The following NTMT2 variants were observed in gnomAD, a reference collection of about 807,000 sequenced individuals.
NTMT2 encodes the protein X-Pro-Lys N-terminal protein methyltransferase 1B.
Under a neutral mutation model 23.4 loss-of-function variants are expected in NTMT2, and 21 were observed. The observed-to-expected ratio is 0.90, with a 90% CI of 0.64 to 1.29. NTMT2 has a LOEUF of 1.29. NTMT2 is among the 50% of genes most tolerant of loss of function. The pLI is 0.00. For synonymous variants in NTMT2, 131 were observed against 127.7 expected (o/e 1.03, Z -0.17); for missense variants, 336 against 352.0 (o/e 0.95, Z 0.36).
rs539352852 is a variant in NTMT2, at chr1:170,166,366, C to A, written c.331-136C>A. 288 of 787,492 alleles carry A rather than the reference C, an allele frequency of 3.7e-4. 1 individual carries two copies. The African/African-American group carries it at 4.4e-3, about 12-fold the overall frequency. The allele number at this position is 787,492 out of a possible 1,614,324, so 48.8% of individuals were successfully genotyped here. ...CCGTGTTAGCCAGGATGGTCTCGAT[C>A]TCTTGACCTCGTGATCCGCCCGCCT... On this transcript the variant is annotated intron_variant, in intron 2 of 3. Transcript: ENST00000439373.
intron 3 of NTMT2, among the ~76,000 whole-genome samples, chr1:170,167,206 C>T (rs947884864): frequency 6.6e-6 from 1 of 152,100 alleles, no homozygotes; most frequent in African/African-American, 2.4e-5. Context: ...CTCCAGGGGA[C>T]ATGGAGGGAC....
intron 1 of NTMT2, among the ~76,000 whole-genome samples, chr1:170,156,208 C>T (rs471155): frequency 0.39 from 58,868 of 152,012 alleles, 13,501 homozygotes; most frequent in East Asian, 0.69. Flanking sequence ...GCATGCCCAG[C>T]GCATTTTTTT....
chr1:170,150,804 G>T (rs776941550), intron 1 of NTMT2, among the ~76,000 whole-genome samples: 1 of 152,084 alleles, frequency 6.6e-6, no homozygotes, highest in African/African-American at 2.4e-5. Context: ...TCAAAAAATG[G>T]CTATTCATGA....
intron 1 of NTMT2, among the ~76,000 whole-genome samples, chr1:170,154,130 T>C (rs1233630117): frequency 2.6e-5 from 4 of 152,124 alleles, no homozygotes; most frequent in African/African-American, 9.7e-5. Flanking sequence ...TCTGTTGGCT[T>C]CCACATGGTG....
intron 2 of NTMT2, among the ~76,000 whole-genome samples, chr1:170,164,375 G>A (rs943018823): frequency 2.6e-5 from 4 of 152,046 alleles, no homozygotes; most frequent in East Asian, 1.9e-4. Context: ...GAAATGAGAC[G>A]CTCTTATTGA....
intron 1 of NTMT2, among the ~76,000 whole-genome samples, 159 bp downstream of exon 1, chr1:170,146,420 T>C (rs916533588): frequency 7.2e-5 from 11 of 152,194 alleles, no homozygotes; most frequent in South Asian, 2.1e-4. Context: ...AGTGGAATTC[T>C]TTATGGAGAA....
chr1:170,158,507 C>T (rs543508015), intron 1 of NTMT2, among the ~76,000 whole-genome samples: 10 of 151,966 alleles, frequency 6.6e-5, no homozygotes, highest in African/African-American at 2.4e-4. Flanking sequence ...CTTCTTACTA[C>T]TCTTTCTGTT....
intron 2 of NTMT2, among the ~76,000 whole-genome samples, chr1:170,162,473 C>T (rs1673292049): frequency 6.6e-6 from 1 of 152,198 alleles, no homozygotes; most frequent in Non-Finnish European, 1.5e-5. Flanking sequence ...TGGACATCAG[C>T]TTCAGCCATA....
chr1:170,163,640 A>C (rs1237856986), intron 2 of NTMT2, among the ~76,000 whole-genome samples: 1 of 152,052 alleles, frequency 6.6e-6, no homozygotes, highest in Non-Finnish European at 1.5e-5. Flanking sequence ...GGGTCTACTA[A>C]CTTGTTATAT....
At chr1:170,162,864 A>C (rs1448489602) in intron 2 of NTMT2, among the ~76,000 whole-genome samples, 1 of 150,928 alleles carries the variant, frequency 6.6e-6, no homozygotes, top group African/African-American at 2.4e-5. Context: ...TGCTTTATTT[A>C]TTTATTTATT....
rs865824415 is a variant in NTMT2 at position 170,159,044 on chromosome 1, T to A, written c.155-1474T>A. Among the ~76,000 whole-genome samples the A allele has an allele frequency of 2.6e-5, 4 of 151,276 alleles. 1 individual carries two copies. Among genetic ancestry groups the A allele is most frequent in the Middle Eastern group, 3.2e-3 (1 of 314 alleles). ...AGGCTTCTTATGTGTTTGGAGATCA[T>A]TTATCCACATTTAGGAATAAAAAAC... On this transcript the variant is annotated intron_variant, in intron 1 of 3. Transcript: ENST00000439373.
At chr1:170,157,530 T>C (rs953233578) in intron 1 of NTMT2, among the ~76,000 whole-genome samples, 5 of 152,274 alleles carry the variant, frequency 3.3e-5, no homozygotes, top group Admixed American at 6.5e-5. Flanking sequence ...TGTAACTCCA[T>C]AGATGGAACA....
chr1:170,166,691 C>G lies in NTMT2; in HGVS notation c.520C>G (p.Leu174Val), dbSNP rs571875982. The G allele has an allele frequency of 7.8e-5, 121 of 1,552,330 alleles. 1 individual carries two copies. In the African/African-American group the frequency reaches 1.1e-3, roughly 15 times the overall value. Residue 174 changes from leucine (L) to valine (V), a missense_variant, in exon 3 of 4, where the codon CTG (leucine) becomes GTG (valine). By Grantham distance (32) the Leu-to-Val change is conservative. Coordinates refer to ENST00000439373, the MANE Select transcript of NTMT2 (RefSeq NM_001136107.2). The part of the protein sequence containing the change: ...DKVESYHCYS[L>V]QEFTPPFRRY... ...AGTAGAAAGCTACCACTGCTACAGC[C>G]TGCAGGAATTCACACCCCCCTTCAG...
At position 170,146,041 on chromosome 1, in the gene NTMT2, G is replaced by C; in HGVS notation, c.-67G>C. 2 of 1,401,442 alleles carry C rather than the reference G, an allele frequency of 1.4e-6. No individual in the cohort carries two copies. Among genetic ancestry groups the C allele is most frequent in the Non-Finnish European group, 9.7e-7 (1 of 1,031,934 alleles). The allele number at this position is 1,401,442 out of a possible 1,614,324, so 86.8% of individuals were successfully genotyped here. A position where few individuals can be genotyped will look rare whatever the true frequency, so the allele number is the denominator to read the frequency against. On this transcript the variant is annotated 5_prime_UTR_variant, in exon 1 of 4. Coordinates refer to ENST00000439373, the MANE Select transcript of NTMT2 (RefSeq NM_001136107.2). ...TCTCAAGTTCATTTAGAAAGAGAAG[G>C]CTAATTCAAAGAAACAGCAAGGCAA...
intron 1 of NTMT2, among the ~76,000 whole-genome samples, chr1:170,157,562 T>C (rs1016171452): frequency 6.6e-6 from 1 of 152,162 alleles, no homozygotes; most frequent in African/African-American, 2.4e-5. Context: ...ATACAAGTTG[T>C]ATTTTTTGGA....
intron 2 of NTMT2, among the ~76,000 whole-genome samples, chr1:170,165,050 C>G (rs1372037916): frequency 6.6e-6 from 1 of 151,366 alleles, no homozygotes. Flanking sequence ...TGTATTTTAC[C>G]TTTGATCCTT....
intron 1 of NTMT2, among the ~76,000 whole-genome samples, chr1:170,157,354 T>C (rs1318906861): frequency 1.3e-5 from 2 of 152,184 alleles, no homozygotes; most frequent in African/African-American, 4.8e-5. Context: ...TAACAATCTA[T>C]GTATAATAGT....
At chr1:170,150,692 G>A (rs949109209) in intron 1 of NTMT2, among the ~76,000 whole-genome samples, 2 of 152,020 alleles carry the variant, frequency 1.3e-5, no homozygotes, top group African/African-American at 2.4e-5. Context: ...AAGAGCATTC[G>A]CTTTCTGTTG....
At chr1:170,153,004 G>C (rs1673100245) in intron 1 of NTMT2, among the ~76,000 whole-genome samples, 1 of 152,050 alleles carries the variant, frequency 6.6e-6, no homozygotes, top group South Asian at 2.1e-4. Context: ...GTTCTCATGA[G>C]AGCTGGTTGT....
Sources: gnomAD v4.1 joint callset for allele counts (sites outside exome capture counted in the v4.1 genomes callset) on GRCh38, gnomAD v4.1.1 for gene constraint, MANE v1.5 for transcripts, NCBI Gene and HGNC (gene_info 2026-07-23, HGNC 2026-07-21) for gene names.